HNF1B: variants seen among roughly 807,000 people sequenced by gnomAD.
HNF1B encodes hepatocyte nuclear factor 1-beta.
A neutral mutation model predicts 61.7 loss-of-function variants in HNF1B; 8 were observed. The observed-to-expected ratio is 0.13, with a 90% CI of 0.08 to 0.23. The LOEUF (loss-of-function observed/expected upper bound fraction) is 0.23. Among genes scored for constraint, HNF1B ranks in the 10% least tolerant of loss-of-function variants. HNF1B has a pLI of 1.00. For missense variants in HNF1B, 562 were observed against 714.5 expected (o/e 0.79, Z 2.43); for synonymous variants, 314 against 287.7 (o/e 1.09, Z -0.93).
At chr17:37,737,140 C>T (rs2033855708) in intron 2 of HNF1B, among the ~76,000 whole-genome samples, 1 of 152,088 alleles carries the variant, frequency 6.6e-6, no homozygotes, top group Non-Finnish European at 1.5e-5. Flanking sequence ...TTTATTCTCT[C>T]CCCTCTTCCT....
At chr17:37,713,951 C>A (rs2033021669) in intron 4 of HNF1B, among the ~76,000 whole-genome samples, 1 of 152,198 alleles carries the variant, frequency 6.6e-6, no homozygotes, top group Non-Finnish European at 1.5e-5. Flanking sequence ...AGAGGCCAGT[C>A]CTCCTATATT....
At chr17:37,705,163 C>T in intron 5 of HNF1B, 114 bp from the exon 6 acceptor site, 1 of 1,092,342 alleles carries the variant, frequency 9.2e-7, no homozygotes, top group South Asian at 1.4e-5. Flanking sequence ...AAATTCATTC[C>T]TTCATTCACT....
Position 37,721,108 on chromosome 17 carries a change from G to C in HNF1B, c.1046-10445C>G, listed in dbSNP as rs146296227. Among the ~76,000 whole-genome samples, 894 of 152,292 alleles carry C rather than the reference G, an allele frequency of 5.9e-3. 8 individuals carry two copies. Among genetic ancestry groups the C allele is most frequent in the Non-Finnish European group, 8.1e-3 (551 of 68,024 alleles). On this transcript the variant is annotated intron_variant, in intron 4 of 8. Coordinates refer to ENST00000617811, the MANE Select transcript of HNF1B (RefSeq NM_000458.4). ...AAGCAGGAAGAGGCACCCTGCAGTGGACAGGGCCAGAAGGCATGGGCATGC... is the reference window on the plus strand; with the variant it reads ...AAGCAGGAAGAGGCACCCTGCAGTGCACAGGGCCAGAAGGCATGGGCATGC...
intron 5 of HNF1B, among the ~76,000 whole-genome samples, chr17:37,706,550 G>A (rs764965015): frequency 6.6e-6 from 1 of 151,908 alleles, no homozygotes; most frequent in Non-Finnish European, 1.5e-5. Flanking sequence ...AAACAGGTTT[G>A]TTTGTGTTTT....
At chr17:37,690,039 A>T (rs1196321022) in intron 8 of HNF1B, among the ~76,000 whole-genome samples, 2 of 141,748 alleles carry the variant, frequency 1.4e-5, no homozygotes, top group African/African-American at 5.1e-5. Context: ...ACACACACAC[A>T]CTACAACTTT....
Position 37,731,779 on chromosome 17 carries a change from G to A in HNF1B, c.861C>T (p.Gly287=). 6.2e-7 allele frequency: 1 copy of A among 1,613,962 alleles called. No homozygotes were observed. Among genetic ancestry groups the A allele is most frequent in the Non-Finnish European group, 8.5e-7 (1 of 1,179,944 alleles). The change falls in exon 4 of 9, where the codon GGC becomes GGT. Residue 287 remains glycine (G), a synonymous_variant. Coordinates refer to ENST00000617811, the MANE Select transcript of HNF1B (RefSeq NM_000458.4). The stretch of plus-strand genomic sequence containing the variant: ...CACGGACCTCAGTGACCAAGTTGGA[G>A]CCCAGGCCGTGGGCTTTGGAGGGGG... ...GVSPSKAHGL[G]SNLVTEVRVY...
At chr17:37,729,603 G>A (rs1331955324) in intron 4 of HNF1B, 1 of 152,240 alleles carries the variant, frequency 6.6e-6, no homozygotes, top group African/African-American at 2.4e-5. Context: ...ACTCGACAGT[G>A]ACCCGATATC....
intron 4 of HNF1B, among the ~76,000 whole-genome samples, chr17:37,719,481 C>T (rs2033235437): frequency 6.6e-6 from 1 of 152,294 alleles, no homozygotes; most frequent in Non-Finnish European, 1.5e-5. Context: ...TCCAAAGAAA[C>T]TAGAGTAAAA....
At chr17:37,739,393 G>T in intron 2 of HNF1B, 47 bp downstream of exon 2, 1 of 1,572,398 alleles carries the variant, frequency 6.4e-7, no homozygotes, top group Non-Finnish European at 8.7e-7. Context: ...GGGTGAGAGG[G>T]CAAAGGTCAC....
chr17:37,696,102 T>G (rs2032374313), intron 8 of HNF1B, among the ~76,000 whole-genome samples: 1 of 152,048 alleles, frequency 6.6e-6, no homozygotes, highest in Admixed American at 6.6e-5. Flanking sequence ...ATCATGGTGA[T>G]GGGTGAGGAA....
intron 8 of HNF1B, among the ~76,000 whole-genome samples, chr17:37,692,866 G>A (rs2032251942): frequency 6.6e-6 from 1 of 152,112 alleles, no homozygotes; most frequent in Non-Finnish European, 1.5e-5. Context: ...TCCTTTGACT[G>A]CATGTAGACC....
intron 2 of HNF1B, among the ~76,000 whole-genome samples, chr17:37,736,565 C>T (rs947702162): frequency 6.6e-6 from 1 of 152,140 alleles, no homozygotes; most frequent in Admixed American, 6.5e-5. Flanking sequence ...AACTACCAGC[C>T]TGTGCATCAC....
chr17:37,721,881 G>C (rs2033330399), intron 4 of HNF1B, among the ~76,000 whole-genome samples: 2 of 152,252 alleles, frequency 1.3e-5, no homozygotes, highest in East Asian at 1.9e-4. Flanking sequence ...AACTGCCATA[G>C]CTCACTTCAG....
intron 8 of HNF1B, among the ~76,000 whole-genome samples, chr17:37,696,643 TACC>T (rs2032395058): frequency 2.0e-5 from 3 of 152,234 alleles, no homozygotes; most frequent in African/African-American, 7.2e-5. Flanking sequence ...GAACCTCTTT[TACC>T]CAGCCTCAGA....
At chr17:37,698,025 G>A (rs796369870) in intron 8 of HNF1B, among the ~76,000 whole-genome samples, 22 of 147,422 alleles carry the variant, frequency 1.5e-4, no homozygotes, top group African/African-American at 5.4e-4. Context: ...CTGCACTCTA[G>A]GGCTGGAAGG....
chr17:37,691,266 A>G (rs2032193231), intron 8 of HNF1B, among the ~76,000 whole-genome samples: 1 of 152,182 alleles, frequency 6.6e-6, no homozygotes, highest in South Asian at 2.1e-4. Flanking sequence ...GACAGTGAGG[A>G]CAGATAAGTC....
At chr17:37,705,728 G>A (rs929987614) in intron 5 of HNF1B, among the ~76,000 whole-genome samples, 2 of 151,984 alleles carry the variant, frequency 1.3e-5, no homozygotes, top group Admixed American at 6.6e-5. Flanking sequence ...TGGTAACAGG[G>A]TCTTTTCCTT....
intron 8 of HNF1B, among the ~76,000 whole-genome samples, chr17:37,692,618 G>A (rs12450532): frequency 3.3e-5 from 5 of 152,208 alleles, no homozygotes; most frequent in Admixed American, 6.5e-5. Context: ...TCGTTCGTTC[G>A]TTCATTCATT....
chr17:37,713,058 C>T (rs1028023857), intron 4 of HNF1B, among the ~76,000 whole-genome samples: 2 of 152,232 alleles, frequency 1.3e-5, no homozygotes, highest in African/African-American at 4.8e-5. Flanking sequence ...CCGCTGCCCT[C>T]TTGCTCTGTT....
Sources: gnomAD v4.1 joint callset for allele counts (sites outside exome capture counted in the v4.1 genomes callset) on GRCh38, gnomAD v4.1.1 for gene constraint, MANE v1.5 for transcripts, NCBI Gene and HGNC (gene_info 2026-07-23, HGNC 2026-07-21) for gene names.